The following WASHC3 variants were observed in gnomAD, a reference collection of about 807,000 sequenced individuals.
WASHC3 encodes the protein WASH complex subunit CCDC53.
A neutral mutation model predicts 26.1 loss-of-function variants in WASHC3; 24 were observed. That is an observed-to-expected ratio of 0.92 (90% CI 0.66 to 1.29). The LOEUF is 1.29. Ranked by LOEUF, WASHC3 falls within the 50% of genes most tolerant of loss-of-function variation. The pLI, the probability that WASHC3 is intolerant of heterozygous loss-of-function variation, is 0.00. For synonymous variants in WASHC3, 77 were observed against 75.7 expected (o/e 1.02, Z -0.09); for missense variants, 214 against 229.6 (o/e 0.93, Z 0.44).
intron 6 of WASHC3, among the ~76,000 whole-genome samples, chr12:102,015,403 T>A (rs1038481646): frequency 5.3e-5 from 8 of 152,236 alleles, no homozygotes; most frequent in African/African-American, 1.9e-4. Context: ...CTATATTACA[T>A]AGTAACTAAG....
chr12:102,028,559 T>C (rs1877295263), intron 5 of WASHC3, among the ~76,000 whole-genome samples: 1 of 151,578 alleles, frequency 6.6e-6, no homozygotes, highest in Non-Finnish European at 1.5e-5. Flanking sequence ...ACAAATAAGT[T>C]ACAAAGCCAA....
rs765521410 is a variant in WASHC3 at position 102,061,306 on chromosome 12, T to G, written c.92A>C (p.Asn31Thr). Residue 31 changes from asparagine to threonine, a missense_variant, in exon 2 of 7, where the codon AAC becomes ACC. By Grantham distance (65) the Asn-to-Thr change is moderately conservative. Transcript: ENST00000240079. Reference sequence around the variant, plus strand: ...CTGTACAGTGTGCACCACAAATTGGTTTAGAAAAGCCACCGTTCTTTTCTG... The same window carrying G: ...CTGTACAGTGTGCACCACAAATTGGGTTAGAAAAGCCACCGTTCTTTTCTG... ...IQQKRTVAFL[N>T]QFVVHTVQFL... 3.1e-6 allele frequency: 5 copies of G among 1,613,908 alleles called. No individual in the cohort carries two copies. The African/African-American group carries it at 6.7e-5, about 22-fold the overall frequency.
intron 5 of WASHC3, among the ~76,000 whole-genome samples, chr12:102,034,815 T>TGTGA (rs1491460095): frequency 4.1e-5 from 6 of 146,380 alleles, no homozygotes; most frequent in Non-Finnish European, 6.1e-5. Flanking sequence ...TGTGTGTGTG[T>TGTGA]GAGTATGTAA....
chr12:102,030,231 G>A (rs1010405157), intron 5 of WASHC3, among the ~76,000 whole-genome samples: 7 of 149,674 alleles, frequency 4.7e-5, no homozygotes, highest in African/African-American at 1.2e-4. Flanking sequence ...GGAGGCGGAG[G>A]TTGCGGTGAG....
intron 5 of WASHC3, among the ~76,000 whole-genome samples, chr12:102,036,323 C>T (rs1164984492): frequency 7.1e-6 from 1 of 141,488 alleles, no homozygotes; most frequent in African/African-American, 2.7e-5. Context: ...GACTGTGCCC[C>T]TTTGCTCCAG....
intron 2 of WASHC3, among the ~76,000 whole-genome samples, chr12:102,048,563 C>CAAAAGAAAAAAAAAAGA (rs1487745865): frequency 4.9e-5 from 7 of 143,516 alleles, no homozygotes; most frequent in Non-Finnish European, 7.6e-5. Context: ...GACTCCGTCT[C>CAAAAGAAAAAAAAAAGA]AAAAGAAAAA....
chr12:102,036,715 G>C (rs1410107500), intron 5 of WASHC3, among the ~76,000 whole-genome samples: 1 of 152,180 alleles, frequency 6.6e-6, no homozygotes, highest in Non-Finnish European at 1.5e-5. Context: ...CCAGGAAGAA[G>C]CAGCCCTTCC....
chr12:102,043,368 C>G (rs1217995118), intron 4 of WASHC3, among the ~76,000 whole-genome samples: 1 of 152,114 alleles, frequency 6.6e-6, no homozygotes, highest in Non-Finnish European at 1.5e-5. Flanking sequence ...CTCGTGGGCT[C>G]AAGTGATCCT....
chr12:102,040,139 C>A, intron 4 of WASHC3, 161 bp from the exon 5 acceptor site: 1 of 372,614 alleles, frequency 2.7e-6, no homozygotes, highest in Non-Finnish European at 4.9e-6. Context: ...AGATATGTTT[C>A]CAAATATCTA....
intron 5 of WASHC3, among the ~76,000 whole-genome samples, chr12:102,031,834 A>G (rs1843943731): frequency 6.6e-6 from 1 of 152,192 alleles, no homozygotes; most frequent in Non-Finnish European, 1.5e-5. Flanking sequence ...TTATTAAGCT[A>G]AATCTGTAAC....
intron 3 of WASHC3, among the ~76,000 whole-genome samples, chr12:102,045,632 A>G (rs1878129204): frequency 6.6e-6 from 1 of 152,232 alleles, no homozygotes; most frequent in African/African-American, 2.4e-5. Flanking sequence ...GGTATTCCTC[A>G]TTAGCATTTA....
intron 6 of WASHC3, among the ~76,000 whole-genome samples, chr12:102,019,122 G>A (rs1876843147): frequency 6.6e-6 from 1 of 152,042 alleles, no homozygotes. Context: ...TCAAAAAATT[G>A]GAATTGCCAG....
At chr12:102,052,830 G>A (rs560997781) in intron 2 of WASHC3, among the ~76,000 whole-genome samples, 1 of 151,650 alleles carries the variant, frequency 6.6e-6, no homozygotes, top group African/African-American at 2.4e-5. Flanking sequence ...TTCCAGGCTA[G>A]CCACTATTGC....
intron 6 of WASHC3, 66 bp from the exon 7 acceptor site, chr12:102,013,258 A>C: frequency 5.1e-6 from 4 of 783,448 alleles, no homozygotes; most frequent in Non-Finnish European, 8.4e-6. Context: ...ACAAACTCTT[A>C]AATTTGGTTC....
chr12:102,034,781 A>AGTGTGTGT (rs60815635), intron 5 of WASHC3, among the ~76,000 whole-genome samples: 3,344 of 146,128 alleles, frequency 0.023, 37 homozygotes, highest in Middle Eastern at 0.035. Context: ...CCTAAAAAAA[A>AGTGTGTGT]GTGTGTGTGT....
chr12:102,024,037 T>C (rs867079008), intron 6 of WASHC3, among the ~76,000 whole-genome samples: 14 of 151,828 alleles, frequency 9.2e-5, no homozygotes, highest in African/African-American at 3.4e-4. Flanking sequence ...GCCAGTAAGA[T>C]GAGGGAAGGG....
chr12:102,047,254 C>T (rs1251796660), intron 2 of WASHC3, among the ~76,000 whole-genome samples: 1 of 152,160 alleles, frequency 6.6e-6, no homozygotes, highest in Non-Finnish European at 1.5e-5. Flanking sequence ...TGATTGTATT[C>T]TGGGATATTA....
At chr12:102,029,158 A>G (rs1169861921) in intron 5 of WASHC3, among the ~76,000 whole-genome samples, 4 of 152,228 alleles carry the variant, frequency 2.6e-5, no homozygotes, top group South Asian at 2.1e-4. Context: ...TTGTTTTGCT[A>G]TATTCTTCCT....
chr12:102,020,360 G>C (rs1250772827), intron 6 of WASHC3, among the ~76,000 whole-genome samples: 4 of 152,148 alleles, frequency 2.6e-5, no homozygotes, highest in African/African-American at 7.2e-5. Context: ...TCCTTACCTA[G>C]ATTTTTCAGC....
Sources: gnomAD v4.1 joint callset for allele counts (sites outside exome capture counted in the v4.1 genomes callset) on GRCh38, gnomAD v4.1.1 for gene constraint, MANE v1.5 for transcripts, NCBI Gene and HGNC (gene_info 2026-07-23, HGNC 2026-07-21) for gene names.